The following RGS3 variants were observed in gnomAD, a reference collection of about 807,000 sequenced individuals.
RGS3 encodes regulator of G-protein signalling 3.
A neutral mutation model predicts 132.6 loss-of-function variants in RGS3; 80 were observed. The ratio of observed to expected loss-of-function variants is 0.60; its 90% CI spans 0.50 to 0.73. The LOEUF (loss-of-function observed/expected upper bound fraction) is 0.73, where lower values mean the gene tolerates loss of function less well. Ranked by LOEUF, RGS3 falls within the 30% of genes least tolerant of loss-of-function variation. The pLI, the probability that RGS3 is intolerant of heterozygous loss-of-function variation, is 0.00. For missense variants in RGS3, 1,382 were observed against 1,530.8 expected (o/e 0.90, Z 1.62); for synonymous variants, 598 against 620.6 (o/e 0.96, Z 0.54).
At chr9:113,593,955 C>T in intron 21 of RGS3, 1 of 1,612,886 alleles carries the variant, frequency 6.2e-7, no homozygotes. Flanking sequence ...ATAGCTGGGA[C>T]TGGCTTCCTG....
Position 113,591,589 on chromosome 9 carries a change from C to A in RGS3, c.3080+192C>A. On this transcript the variant is annotated intron_variant, in intron 21 of 24. Coordinates refer to ENST00000350696, the Ensembl canonical transcript of RGS3. The surrounding 1 kb of genome is among the most constrained non-coding windows in gnomAD (Gnocchi z 4.4). ...AAAGTGGGGTCACCTGGGTCCTGAG[C>A]ATTCTCTCCAAGTGAGGCAAAGTGC... 1 of 583,380 alleles carries A rather than the reference C, an allele frequency of 1.7e-6. No homozygotes were observed. The highest frequency in any genetic ancestry group is 2.0e-5 in the South Asian group (1 of 50,654). 36.1% of individuals were successfully genotyped at this position (583,380 alleles called of 1,614,324 possible).
chr9:113,571,860 C>G (rs1484377488), intron 19 of RGS3, among the ~76,000 whole-genome samples: 1 of 152,200 alleles, frequency 6.6e-6, no homozygotes, highest in African/African-American at 2.4e-5. Context: ...CTAAAATCCA[C>G]TTGAAATAGA....
chr9:113,593,838 C>T (rs571993214), intron 21 of RGS3: 2 of 1,359,688 alleles, frequency 1.5e-6, no homozygotes, highest in Non-Finnish European at 2.0e-6. Context: ...CGGTGGTGGG[C>T]AGTGCCTCCC....
At chr9:113,580,991 C>G in intron 19 of RGS3, 1 of 964,358 alleles carries the variant, frequency 1.0e-6, no homozygotes, top group Non-Finnish European at 1.2e-6. Flanking sequence ...CGTCTTTCCC[C>G]AAGGACTATC....
chr9:113,487,412 G>A (rs906809949), intron 7 of RGS3, among the ~76,000 whole-genome samples: 5 of 152,178 alleles, frequency 3.3e-5, no homozygotes, highest in African/African-American at 9.6e-5. Flanking sequence ...CGCCCGGCCT[G>A]TCTCATTTAA....
chr9:113,582,009 A>T (rs527609569), intron 19 of RGS3: 1 of 984,068 alleles, frequency 1.0e-6, no homozygotes, highest in South Asian at 4.7e-5. Context: ...TCACTTTCAC[A>T]CTCCCAGGCT....
At chr9:113,476,815 T>G (rs1830007634) in intron 3 of RGS3, among the ~76,000 whole-genome samples, 1 of 152,210 alleles carries the variant, frequency 6.6e-6, no homozygotes, top group Non-Finnish European at 1.5e-5. Context: ...TCTGGAGATT[T>G]CCTGATCCTG....
At chr9:113,494,620 G>A (rs1830626983) in intron 7 of RGS3, among the ~76,000 whole-genome samples, 1 of 152,030 alleles carries the variant, frequency 6.6e-6, no homozygotes, top group African/African-American at 2.4e-5. Flanking sequence ...CTCAGTAGCT[G>A]GGGCTACAGG....
intron 19 of RGS3, among the ~76,000 whole-genome samples, chr9:113,544,270 C>T (rs995474624): frequency 6.6e-5 from 10 of 151,522 alleles, no homozygotes; most frequent in Non-Finnish European, 1.2e-4. Context: ...GTTCCCCACA[C>T]ACCCCCGACC....
rs894469319 is a variant in RGS3, at chr9:113,506,174, A to G, written c.980-214A>G. Among the ~76,000 whole-genome samples, 2 of 151,988 alleles carry G rather than the reference A, an allele frequency of 1.3e-5. No individual in the cohort carries two copies. Among genetic ancestry groups the G allele is most frequent in the Non-Finnish European group, 2.9e-5 (2 of 67,980 alleles). ...GCAGTAGGGGAGGTAAGCCAGCAGT[A>G]GGGGAGGCAAGCAGGGAGAAGGGAA... On this transcript the variant is annotated intron_variant, in intron 11 of 24. Coordinates refer to ENST00000350696, the Ensembl canonical transcript of RGS3. This position sits in a 1 kb window ranked among gnomAD's most constrained non-coding sequence, Gnocchi z 4.7.
chr9:113,461,890 C>A (rs746418498), intron 2 of RGS3: 1 of 1,602,796 alleles, frequency 6.2e-7, no homozygotes, highest in Admixed American at 1.7e-5. Flanking sequence ...CATCACCTTC[C>A]CTTTTCCCTG....
At chr9:113,450,157 C>G (rs1289083361) in intron 1 of RGS3, among the ~76,000 whole-genome samples, 1 of 152,134 alleles carries the variant, frequency 6.6e-6, no homozygotes, top group Non-Finnish European at 1.5e-5. Context: ...GCAACCTCGC[C>G]TCCCGGGTTC....
chr9:113,482,038 C>T (rs1158340750), intron 4 of RGS3, among the ~76,000 whole-genome samples: 2 of 147,510 alleles, frequency 1.4e-5, no homozygotes, highest in Non-Finnish European at 3.0e-5. Context: ...AAGTGCGAAA[C>T]TCCATCTCAA....
At chr9:113,494,212 C>CT (rs969829182) in intron 7 of RGS3, among the ~76,000 whole-genome samples, 4 of 151,336 alleles carry the variant, frequency 2.6e-5, no homozygotes, top group Non-Finnish European at 4.4e-5. Flanking sequence ...TTGATACTGT[C>CT]TTTTTTTTTC....
Position 113,595,586 on chromosome 9 carries a change from G to C in RGS3, c.3245-13G>C. ...GAGTTTGCCTCTTACCCCAGGATCC[G>C]TTCTCCTCACAGACGGGTTAGCAGT... On this transcript the variant is annotated splice_polypyrimidine_tract_variant and intron_variant, in intron 23 of 24. Transcript: ENST00000350696. 6.2e-7 allele frequency: 1 copy of C among 1,612,590 alleles called. No individual in the cohort carries two copies. The highest frequency in any genetic ancestry group is 8.5e-7 in the Non-Finnish European group (1 of 1,178,818).
chr9:113,472,996 A>C (rs546394450), intron 3 of RGS3, among the ~76,000 whole-genome samples: 1 of 152,324 alleles, frequency 6.6e-6, no homozygotes, highest in East Asian at 1.9e-4. Context: ...AGCTGAGATC[A>C]TGTCATTGCA....
intron 20 of RGS3, chr9:113,590,092 G>T (rs1044732872): frequency 6.6e-6 from 1 of 152,188 alleles, no homozygotes; most frequent in Non-Finnish European, 1.5e-5. Context: ...TTCTGACCTT[G>T]CATTTTTGAG....
intron 3 of RGS3, among the ~76,000 whole-genome samples, chr9:113,469,270 GC>G (rs1206689552): frequency 6.6e-6 from 1 of 152,122 alleles, no homozygotes; most frequent in East Asian, 1.9e-4. Flanking sequence ...CCTGCCAGCT[GC>G]CCCTGGCTGG....
chr9:113,496,666 T>C (rs1182945105), intron 8 of RGS3, among the ~76,000 whole-genome samples: 2 of 152,098 alleles, frequency 1.3e-5, no homozygotes, highest in Non-Finnish European at 2.9e-5. Context: ...TTCTCCTGCC[T>C]CAGCCTCCTG....
Sources: gnomAD v4.1 joint callset for allele counts (sites outside exome capture counted in the v4.1 genomes callset) on GRCh38, gnomAD v4.1.1 for gene constraint, Gnocchi (gnomAD v3.1) non-coding constraint, MANE v1.5 for transcripts, NCBI Gene and HGNC (gene_info 2026-07-23, HGNC 2026-07-21) for gene names.